DNAJA3: variants seen among roughly 807,000 people sequenced by gnomAD.
DNAJA3 encodes dnaJ homolog subfamily A member 3, mitochondrial.
A neutral mutation model predicts 54.9 loss-of-function variants in DNAJA3; 29 were observed. The observed-to-expected ratio is 0.53, with a 90% confidence interval of 0.39 to 0.72. The LOEUF (loss-of-function observed/expected upper bound fraction) is 0.72, where lower values mean the gene tolerates loss of function less well. Ranked by LOEUF, DNAJA3 falls within the 30% of genes least tolerant of loss-of-function variation. DNAJA3 has a pLI of 0.00. For missense variants in DNAJA3, 708 were observed against 639.4 expected (o/e 1.11, Z -1.16); for synonymous variants, 302 against 251.4 (o/e 1.20, Z -1.90).
chr16:4,434,325 A>C, intron 1 of DNAJA3, 59 bp from the exon 2 acceptor site: 1 of 1,584,338 alleles, frequency 6.3e-7, no homozygotes, highest in Non-Finnish European at 8.6e-7. Context: ...TCATGTACTC[A>C]CAGTTTTCTT....
chr16:4,442,433 C>T lies in DNAJA3; in HGVS notation c.783+13C>T. ...CGGCTCCGGCATGGTAAGGCTCTGC[C>T]CGAGACTCCACCTCCCACGGCTTGC... On this transcript the variant is annotated intron_variant, in intron 5 of 11. Coordinates refer to ENST00000262375, the MANE Select transcript of DNAJA3 (RefSeq NM_005147.6). 1 of 1,576,208 alleles carries T rather than the reference C, an allele frequency of 6.3e-7. No individual in the cohort carries two copies. Among genetic ancestry groups the T allele is most frequent in the Non-Finnish European group, 8.6e-7 (1 of 1,158,704 alleles).
intron 3 of DNAJA3, among the ~76,000 whole-genome samples, chr16:4,439,189 C>T (rs2056810064): frequency 6.6e-6 from 1 of 151,800 alleles, no homozygotes; most frequent in African/African-American, 2.4e-5. Flanking sequence ...GGTGAAACCC[C>T]ATCTCTACTA....
At chr16:4,437,657 C>T in intron 3 of DNAJA3, 172 bp downstream of exon 3, 4 of 591,836 alleles carry the variant, frequency 6.8e-6, no homozygotes, top group East Asian at 2.9e-5. Flanking sequence ...CCAGGCCAAG[C>T]ATGGTGGCTC....
chr16:4,450,434 A>C lies in DNAJA3; in HGVS notation c.1276A>C (p.Ser426Arg). 6.2e-7 allele frequency: 1 copy of C among 1,611,924 alleles called. No individual in the cohort carries two copies. The highest frequency in any genetic ancestry group is 8.5e-7 in the Non-Finnish European group (1 of 1,179,378). Residue 426 changes from serine to arginine, a missense_variant, in exon 10 of 12, where the codon AGC (serine) becomes CGC (arginine). Physicochemically the swap from Ser to Arg is moderately radical, Grantham distance 110 (BLOSUM62 -1). Transcript: ENST00000262375. ...LTSRQQSLIL[S>R]YAEDETDVEG... ...GAGCCGGCAGCAGAGCCTGATCCTG[A>C]GCTACGCCGAGGACGAGACAGATGT...
chr16:4,442,794 G>C (rs1421293828), intron 5 of DNAJA3: 1 of 588,232 alleles, frequency 1.7e-6, no homozygotes, highest in Non-Finnish European at 3.0e-6. Context: ...TTTCAGTGTC[G>C]TGTGGTCAAG....
At chr16:4,446,454 G>T (rs561724067) in intron 7 of DNAJA3, among the ~76,000 whole-genome samples, 1 of 151,592 alleles carries the variant, frequency 6.6e-6, no homozygotes, top group Non-Finnish European at 1.5e-5. Context: ...ATGTTGGTCA[G>T]TCTGGTCTCA....
chr16:4,442,474 G>A, intron 5 of DNAJA3, 54 bp downstream of exon 5: 4 of 1,514,568 alleles, frequency 2.6e-6, no homozygotes, highest in Non-Finnish European at 3.5e-6. Flanking sequence ...TGACTGAGAA[G>A]AGCTGGTTGT....
rs1417098794 is a variant in DNAJA3 at position 4,437,386 on chromosome 16, C to T, written c.346-16C>T. On this transcript the variant is annotated splice_polypyrimidine_tract_variant and intron_variant, in intron 2 of 11. Transcript: ENST00000262375. ...TCACATTGTATCTGGAGTAATTTAT[C>T]ATGTTTTTCCCTTAGCTTGCCAAGA... 5 of 1,610,724 alleles carry T rather than the reference C, an allele frequency of 3.1e-6. No individual in the cohort carries two copies. Among genetic ancestry groups the T allele is most frequent in the Non-Finnish European group, 1.7e-6 (2 of 1,177,120 alleles).
At chr16:4,438,443 C>T (rs917743832) in intron 3 of DNAJA3, among the ~76,000 whole-genome samples, 1 of 152,096 alleles carries the variant, frequency 6.6e-6, no homozygotes, top group Non-Finnish European at 1.5e-5. Flanking sequence ...CAATGACATC[C>T]CCTTCCTCCA....
intron 1 of DNAJA3, among the ~76,000 whole-genome samples, chr16:4,429,047 C>G (rs912341009): frequency 1.3e-5 from 2 of 151,722 alleles, no homozygotes; most frequent in African/African-American, 4.8e-5. Flanking sequence ...TGCAACCGCG[C>G]CCAGCTAATT....
Position 4,425,969 on chromosome 16 carries a change from C to A in DNAJA3, c.88C>A (p.Pro30Thr). 1 of 1,586,690 alleles carries A rather than the reference C, an allele frequency of 6.3e-7. No homozygotes were observed. The highest frequency in any genetic ancestry group is 8.6e-7 in the Non-Finnish European group (1 of 1,168,234). ...TATATCGGGTAGAGGGGCCCGGCCG[C>A]CCAGGGAGGGCGTGGTGGGGGCATG... ...PAISGRGARP[P>T]REGVVGAWLS... Residue 30 changes from proline to threonine, a missense_variant, in exon 1 of 12, where the codon CCC (proline) becomes ACC (threonine). Transcript: ENST00000262375.
chr16:4,446,798 G>A (rs570121633), intron 7 of DNAJA3, 88 bp from the exon 8 acceptor site: 1 of 1,543,010 alleles, frequency 6.5e-7, no homozygotes, highest in Non-Finnish European at 8.8e-7. Context: ...AGTTTGTCAG[G>A]TCTGAGCTTG....
At position 4,453,501 on chromosome 16, in the gene DNAJA3, G is replaced by C. The variant is rs542676039; in HGVS notation, c.1340-1310G>C. ...CACCCGGGCCGGAGTGCAGTGGCGT[G>C]ATCTCGGCTCACTGCAACGCACTCT... On this transcript the variant is annotated intron_variant, in intron 10 of 11. Transcript: ENST00000262375. Among the ~76,000 whole-genome samples the C allele has an allele frequency of 2.9e-4, 44 of 151,720 alleles. No homozygotes were observed. The South Asian group carries it at 6.0e-3, about 21-fold the overall frequency.
At chr16:4,438,519 A>C (rs919599664) in intron 3 of DNAJA3, among the ~76,000 whole-genome samples, 61 of 152,154 alleles carry the variant, frequency 4.0e-4, no homozygotes, top group African/African-American at 1.4e-3. Flanking sequence ...TTATTGTCCT[A>C]TAAGAATGTC....
intron 10 of DNAJA3, among the ~76,000 whole-genome samples, chr16:4,453,244 A>G (rs992579067): frequency 6.6e-6 from 1 of 151,970 alleles, no homozygotes; most frequent in Non-Finnish European, 1.5e-5. Flanking sequence ...TGCGTTTAGT[A>G]TCTTAATGTA....
intron 11 of DNAJA3, 105 bp from the exon 12 acceptor site, chr16:4,455,438 GCCC>G: frequency 7.4e-7 from 1 of 1,347,436 alleles, no homozygotes; most frequent in East Asian, 2.5e-5. Context: ...TGGGGTTCTC[GCCC>G]CTCTCTTGGC....
chr16:4,430,563 CAAA>C (rs1287211997), intron 1 of DNAJA3: 4 of 99,356 alleles, frequency 4.0e-5, no homozygotes, highest in African/African-American at 7.5e-5. Context: ...AACTCCCTGT[CAAA>C]AAAAAAAAAA....
intron 1 of DNAJA3, among the ~76,000 whole-genome samples, chr16:4,426,738 T>C (rs2056628471): frequency 1.3e-5 from 2 of 152,108 alleles, no homozygotes; most frequent in South Asian, 4.1e-4. Flanking sequence ...GGCATGGTTT[T>C]CCCCTTACAT....
intron 3 of DNAJA3, chr16:4,441,172 C>CA (rs2056831693): frequency 1.7e-6 from 1 of 576,878 alleles, no homozygotes; most frequent in Middle Eastern, 4.6e-4. Flanking sequence ...GGAAGCACTT[C>CA]ACGCCCTACA....
Sources: allele counts gnomAD v4.1 joint callset (sites outside exome capture counted in the v4.1 genomes callset), GRCh38; gene constraint gnomAD v4.1.1; transcripts MANE v1.5; gene names NCBI Gene and HGNC (gene_info 2026-07-23, HGNC 2026-07-21).